The following TMEM52B variants were observed in gnomAD, a reference collection of about 807,000 sequenced individuals.
TMEM52B encodes chromosome 12 open reading frame 59.
A neutral mutation model predicts 16.1 loss-of-function variants in TMEM52B; 11 were observed. That is an observed-to-expected ratio of 0.68 (90% CI 0.43 to 1.13). TMEM52B has a LOEUF of 1.13. Among genes scored for constraint, TMEM52B ranks in the 50% most tolerant of loss-of-function variants. TMEM52B has a pLI of 0.00. For synonymous variants in TMEM52B, 101 were observed against 93.8 expected (o/e 1.08, Z -0.45); for missense variants, 243 against 230.4 (o/e 1.05, Z -0.35).
intron 2 of TMEM52B, among the ~76,000 whole-genome samples, chr12:10,184,870 C>T (rs149173387): frequency 3.5e-3 from 535 of 151,786 alleles, no homozygotes; most frequent in Non-Finnish European, 5.6e-3. Context: ...GGCGTCACCA[C>T]GGCCGGCTAA....
Position 10,179,243 on chromosome 12 carries a change from G to T in TMEM52B, c.-332G>T. 1 of 290,060 alleles carries T rather than the reference G, an allele frequency of 3.4e-6. No homozygotes were observed. Among genetic ancestry groups the T allele is most frequent in the Non-Finnish European group, 6.7e-6 (1 of 149,666 alleles). The allele number at this position is 290,060 out of a possible 1,614,324, so 18.0% of individuals were successfully genotyped here. ...TGTCCTCTTTGAATGTCTCCTTTTTGGGAGCAGTAGGAGAAAGAAACTTCA... is the reference window on the plus strand; with the variant it reads ...TGTCCTCTTTGAATGTCTCCTTTTTTGGAGCAGTAGGAGAAAGAAACTTCA... On this transcript the variant is annotated 5_prime_UTR_variant, in exon 1 of 5. Transcript: ENST00000543484.
upstream of TMEM52B, chr12:10,170,531 G>A (rs1016059510): frequency 2.3e-4 from 28 of 122,140 alleles, no homozygotes; most frequent in Non-Finnish European, 1.3e-4. Context: ...CTTGCTCTTC[G>A]CCCAGGCTGG....
At chr12:10,178,866 C>T (rs1043783542), upstream of TMEM52B, 6 of 152,114 alleles carry the variant, frequency 3.9e-5, no homozygotes, top group African/African-American at 1.4e-4. Context: ...TCTGTTTTCT[C>T]CAAAGATGAG....
At chr12:10,178,643 A>AAGAGAG (rs141826102), upstream of TMEM52B, among the ~76,000 whole-genome samples, 39 of 149,958 alleles carry the variant, frequency 2.6e-4, no homozygotes, top group African/African-American at 6.8e-4. Flanking sequence ...TCCTTAACCA[A>AAGAGAG]AGAGAGAGAG....
At position 10,190,032 on chromosome 12, in the gene TMEM52B, A is replaced by G. The variant is rs77905236; in HGVS notation, c.444A>G (p.Thr148=). The change falls in exon 5 of 5, where the codon ACA becomes ACG. Residue 148 remains threonine (T), a synonymous_variant. Transcript: ENST00000543484. Reference sequence around the variant, plus strand: ...AAGCTCTTCACATGAGTCGCTTCACAGTAGCCATGTGCGGGCAGAAAGCAC... The same window carrying G: ...AAGCTCTTCACATGAGTCGCTTCACGGTAGCCATGTGCGGGCAGAAAGCAC... ...YEEALHMSRF[T]VAMCGQKAPD... is the part of the protein sequence containing the mutation. The G allele has an allele frequency of 2.9e-3, 4,631 of 1,614,152 alleles. 123 individuals carry two copies. In the African/African-American group the frequency reaches 0.054, roughly 19 times the overall value.
At chr12:10,181,205 A>G (rs56228968) in intron 1 of TMEM52B, among the ~76,000 whole-genome samples, 1,805 of 152,312 alleles carry the variant, frequency 0.012, 22 homozygotes, top group Middle Eastern at 0.031. Flanking sequence ...AGGGAGTAGA[A>G]GGGACTTCAT....
chr12:10,186,725 C>T, intron 4 of TMEM52B, 136 bp downstream of exon 4: 1 of 923,966 alleles, frequency 1.1e-6, no homozygotes, highest in Non-Finnish European at 1.5e-6. Context: ...TCCCAGAAGC[C>T]TGATGGTGCA....
intron 1 of TMEM52B, among the ~76,000 whole-genome samples, chr12:10,181,098 C>T (rs1948817192): frequency 6.6e-6 from 1 of 152,120 alleles, no homozygotes; most frequent in South Asian, 2.1e-4. Context: ...TGAGCCACTG[C>T]ACCCAGCCTT....
At chr12:10,177,301 A>G (rs115111197), upstream of TMEM52B, among the ~76,000 whole-genome samples, 1,726 of 152,320 alleles carry the variant, frequency 0.011, 24 homozygotes, top group African/African-American at 0.04. Context: ...AAACTGACAG[A>G]TTTTAAATCA....
chr12:10,180,526 G>A (rs1012041465), intron 1 of TMEM52B, among the ~76,000 whole-genome samples: 18 of 152,068 alleles, frequency 1.2e-4, no homozygotes, highest in African/African-American at 4.8e-5. Context: ...CTTTTTCATC[G>A]TTAGTGGCCA....
rs1948959134 is a variant in TMEM52B at position 10,191,567 on chromosome 12, C to T, written c.*1427C>T. ...TTCCCTAAAAAATGGGAAATAATAACACCTCAGAAGGTTTTTGTGAAGATC... is the reference window on the plus strand; with the variant it reads ...TTCCCTAAAAAATGGGAAATAATAATACCTCAGAAGGTTTTTGTGAAGATC... On this transcript the variant is annotated 3_prime_UTR_variant, in exon 5 of 5. Coordinates refer to ENST00000543484, the MANE Select transcript of TMEM52B (RefSeq NM_001384896.1). 1 of 152,136 alleles carries T rather than the reference C, an allele frequency of 6.6e-6. No individual in the cohort carries two copies. The highest frequency in any genetic ancestry group is 2.1e-4 in the South Asian group (1 of 4,820). 9.4% of individuals were successfully genotyped at this position (152,136 alleles called of 1,614,324 possible). A position where few individuals can be genotyped will look rare whatever the true frequency, so the allele number is the denominator to read the frequency against.
intron 2 of TMEM52B, among the ~76,000 whole-genome samples, chr12:10,183,715 A>T (rs1210292317): frequency 6.6e-6 from 1 of 151,988 alleles, no homozygotes; most frequent in Admixed American, 6.6e-5. Flanking sequence ...AACTCAGAAC[A>T]TTATTTAGCT....
intron 1 of TMEM52B, among the ~76,000 whole-genome samples, 196 bp downstream of exon 1, chr12:10,179,824 C>T (rs942213142): frequency 1.3e-5 from 2 of 152,074 alleles, no homozygotes; most frequent in African/African-American, 4.8e-5. Context: ...ATGGCAATGA[C>T]AATGAAAAGG....
At chr12:10,176,045 A>T (rs558455272), upstream of TMEM52B, among the ~76,000 whole-genome samples, 4 of 152,348 alleles carry the variant, frequency 2.6e-5, no homozygotes, top group African/African-American at 9.6e-5. Context: ...GACATAAGCT[A>T]ATGATTCACA....
In TMEM52B at chr12:10,179,488, G is replaced by C; in HGVS notation, c.-87G>C. 1 of 1,424,392 alleles carries C rather than the reference G, an allele frequency of 7.0e-7. No homozygotes were observed. Among genetic ancestry groups the C allele is most frequent in the Non-Finnish European group, 9.9e-7 (1 of 1,008,470 alleles). 88.2% of individuals were successfully genotyped at this position (1,424,392 alleles called of 1,614,324 possible). On this transcript the variant is annotated 5_prime_UTR_variant, in exon 1 of 5. Coordinates refer to ENST00000543484, the MANE Select transcript of TMEM52B (RefSeq NM_001384896.1). ...AAAGTTTCTCTTCTTAAGAATTCTA[G>C]GTCAAGAAGTAAAATATGGCACAGA...
intron 1 of TMEM52B, among the ~76,000 whole-genome samples, chr12:10,171,254 G>A (rs1487939622): frequency 2.0e-5 from 3 of 152,038 alleles, no homozygotes; most frequent in East Asian, 3.8e-4. Context: ...CCAAATTTCT[G>A]ACAATACTTG....
chr12:10,185,114 T>A (rs966678623), intron 2 of TMEM52B, among the ~76,000 whole-genome samples: 4 of 152,252 alleles, frequency 2.6e-5, no homozygotes, highest in Non-Finnish European at 5.9e-5. Flanking sequence ...ATTTACAAAA[T>A]GACTCAGACA....
At chr12:10,172,378 T>TA (rs1948730630) in intron 1 of TMEM52B, 1 of 238,972 alleles carries the variant, frequency 4.2e-6, no homozygotes, top group African/African-American at 2.2e-5. Flanking sequence ...AGAGATATTG[T>TA]ACCCACTCTT....
At chr12:10,172,982 C>T (rs1311234128) in intron 1 of TMEM52B, among the ~76,000 whole-genome samples, 4 of 152,060 alleles carry the variant, frequency 2.6e-5, no homozygotes, top group Admixed American at 6.6e-5. Context: ...TCAAATGACA[C>T]GCTGGTTAAA....
Sources: gnomAD v4.1 joint callset for allele counts (sites outside exome capture counted in the v4.1 genomes callset) on GRCh38, gnomAD v4.1.1 for gene constraint, MANE v1.5 for transcripts, NCBI Gene and HGNC (gene_info 2026-07-23, HGNC 2026-07-21) for gene names.